Variants in SLC22A2 observed in about 807,000 individuals in gnomAD.
SLC22A2 encodes solute carrier family 22 member 2.
SLC22A2 carries 46 observed loss-of-function variants against 60.5 expected under a neutral mutation model. That is an observed-to-expected ratio of 0.76 (90% confidence interval 0.60 to 0.97). SLC22A2 has a LOEUF of 0.97. Ranked by LOEUF, SLC22A2 falls within the 50% of genes least tolerant of loss-of-function variation. The pLI, the probability that SLC22A2 is intolerant of heterozygous loss-of-function variation, is 0.00. For synonymous variants in SLC22A2, 303 were observed against 267.0 expected (o/e 1.13, Z -1.31); for missense variants, 701 against 706.6 (o/e 0.99, Z 0.09).
Position 160,243,773 on chromosome 6 carries a change from C to G in SLC22A2, c.1078G>C (p.Val360Leu), listed in dbSNP as rs377207401. The G allele has an allele frequency of 6.2e-7, 1 of 1,613,222 alleles. No homozygotes were observed. The highest frequency in any genetic ancestry group is 1.3e-5 in the African/African-American group (1 of 74,882). Residue 360 changes from valine to leucine, a missense_variant, in exon 7 of 11, where the codon GTG becomes CTG. Coordinates refer to ENST00000366953, the MANE Select transcript of SLC22A2 (RefSeq NM_003058.4). ...ILMYNWFTSS[V>L]LYQGLIMHMG... ...TGCATGATGAGGCCCTGGTAGAGCA[C>G]AGAGCTCGTGAACCTGAGCAAAGAG...
intron 2 of SLC22A2, among the ~76,000 whole-genome samples, chr6:160,253,873 A>G (rs1783226468): frequency 6.6e-6 from 1 of 152,208 alleles, no homozygotes; most frequent in Non-Finnish European, 1.5e-5. Flanking sequence ...TGTAGGCTGA[A>G]GTGAACCACA....
intron 8 of SLC22A2, 103 bp downstream of exon 8, chr6:160,242,191 C>T (rs1429327934): frequency 3.9e-6 from 3 of 770,038 alleles, no homozygotes; most frequent in Non-Finnish European, 7.2e-6. Context: ...TTCCCTTACA[C>T]TGTGTTTTGA....
chr6:160,231,075 G>A (rs958962758), intron 9 of SLC22A2, among the ~76,000 whole-genome samples: 1 of 151,774 alleles, frequency 6.6e-6, no homozygotes, highest in Non-Finnish European at 1.5e-5. Flanking sequence ...CAATACGGAG[G>A]CTACCCACTC....
rs1583403870 is a variant in SLC22A2, at chr6:160,258,773, A to G, written c.-16T>C. On this transcript the variant is annotated 5_prime_UTR_variant, in exon 1 of 11. Transcript: ENST00000366953. ...TGGTGGGCATGATCCTGCAGGCAGG[A>G]GGGCCCGAGGCTGCCCGACGTGCCC... is the stretch of plus-strand genomic sequence containing the variant. The G allele has an allele frequency of 6.5e-7, 1 of 1,528,868 alleles. No homozygotes were observed. The allele number at this position is 1,528,868 out of a possible 1,614,324, so 94.7% of individuals were successfully genotyped here. A position where few individuals can be genotyped will look rare whatever the true frequency, so the allele number is the denominator to read the frequency against.
intron 2 of SLC22A2, among the ~76,000 whole-genome samples, chr6:160,253,349 A>G (rs1783217908): frequency 6.6e-6 from 1 of 152,232 alleles, no homozygotes; most frequent in South Asian, 2.1e-4. Flanking sequence ...ATTTCTAGGA[A>G]AAGGGTGGTA....
chr6:160,256,888 TTCTCTCTC>T (rs58095836), intron 1 of SLC22A2, among the ~76,000 whole-genome samples, 171 bp from the exon 2 acceptor site: 2 of 134,664 alleles, frequency 1.5e-5, no homozygotes, highest in Admixed American at 7.8e-5. Context: ...TTTCTTCTTC[TTCTCTCTC>T]TCTCTCTTTT....
intron 10 of SLC22A2, among the ~76,000 whole-genome samples, chr6:160,222,612 T>C (rs955440991): frequency 6.6e-5 from 10 of 152,116 alleles, no homozygotes; most frequent in African/African-American, 2.4e-4. Context: ...GGTGCCCATG[T>C]GTGTGGGAAG....
At position 160,217,262 on chromosome 6, in the gene SLC22A2, G is replaced by C. The variant is rs1052630214; in HGVS notation, c.*170C>G. 3 of 413,432 alleles carry C rather than the reference G, an allele frequency of 7.3e-6. No individual in the cohort carries two copies. Among genetic ancestry groups the C allele is most frequent in the African/African-American group, 6.2e-5 (3 of 48,770 alleles). The allele number at this position is 413,432 out of a possible 1,614,324, so 25.6% of individuals were successfully genotyped here. On this transcript the variant is annotated 3_prime_UTR_variant, in exon 11 of 11. Coordinates refer to ENST00000366953, the MANE Select transcript of SLC22A2 (RefSeq NM_003058.4). ...GAATTTGGCAGGATCTGGTCCCATG[G>C]GTATTTTTCCACAGTGTACAATAGA... is the stretch of plus-strand genomic sequence containing the variant.
At chr6:160,240,945 G>T (rs551254784) in intron 9 of SLC22A2, among the ~76,000 whole-genome samples, 1 of 152,306 alleles carries the variant, frequency 6.6e-6, no homozygotes, top group South Asian at 2.1e-4. Context: ...CATCAACACA[G>T]GTGCTCCATT....
At chr6:160,240,346 C>T (rs1782977969) in intron 9 of SLC22A2, among the ~76,000 whole-genome samples, 1 of 152,164 alleles carries the variant, frequency 6.6e-6, no homozygotes. Context: ...ATGCAGGCCT[C>T]TCTGAGTAGG....
intron 9 of SLC22A2, among the ~76,000 whole-genome samples, chr6:160,238,312 A>G (rs995326469): frequency 3.9e-4 from 59 of 152,348 alleles, no homozygotes; most frequent in African/African-American, 1.4e-3. Context: ...AGTGCCTATT[A>G]AATAATTAAC....
At chr6:160,228,040 G>A (rs1247251381) in intron 9 of SLC22A2, among the ~76,000 whole-genome samples, 2 of 152,134 alleles carry the variant, frequency 1.3e-5, no homozygotes, top group Non-Finnish European at 2.9e-5. Flanking sequence ...TATAAAAATG[G>A]GCAACTAGCA....
chr6:160,258,772 G>A lies in SLC22A2; in HGVS notation c.-15C>T. 1.3e-6 allele frequency: 2 copies of A among 1,529,234 alleles called. No homozygotes were observed. Among genetic ancestry groups the A allele is most frequent in the Admixed American group, 4.0e-5 (2 of 49,732 alleles). The allele number at this position is 1,529,234 out of a possible 1,614,324, so 94.7% of individuals were successfully genotyped here. Reference sequence around the variant, plus strand: ...GTGGTGGGCATGATCCTGCAGGCAGGAGGGCCCGAGGCTGCCCGACGTGCC... The same window carrying A: ...GTGGTGGGCATGATCCTGCAGGCAGAAGGGCCCGAGGCTGCCCGACGTGCC... On this transcript the variant is annotated 5_prime_UTR_variant, in exon 1 of 11. Coordinates refer to ENST00000366953, the MANE Select transcript of SLC22A2 (RefSeq NM_003058.4).
At chr6:160,250,355 AT>A (rs986816823) in intron 3 of SLC22A2, 192 bp downstream of exon 3, 7 of 598,250 alleles carry the variant, frequency 1.2e-5, no homozygotes, top group Admixed American at 5.9e-5. Context: ...TTCTGCCTTC[AT>A]TTTTTTAGTT....
At chr6:160,228,947 T>C (rs1782772903) in intron 9 of SLC22A2, among the ~76,000 whole-genome samples, 1 of 151,760 alleles carries the variant, frequency 6.6e-6, no homozygotes, top group African/African-American at 2.4e-5. Context: ...CTCCCTTCGA[T>C]GACTGTCTTT....
Position 160,233,310 on chromosome 6 carries a change from A to G in SLC22A2, c.1501+8164T>C, listed in dbSNP as rs992145469. Among the ~76,000 whole-genome samples, 132 of 151,802 alleles carry G rather than the reference A, an allele frequency of 8.7e-4. 5 individuals are homozygous for G. Among genetic ancestry groups the G allele is most frequent in the African/African-American group, 3.1e-3 (127 of 41,196 alleles). ...CATAATTCCTCGTTTTGGCCTTCCC[A>G]CCTCTATACAGTCTGATAACGGACC... is the stretch of plus-strand genomic sequence containing the variant. On this transcript the variant is annotated intron_variant, in intron 9 of 10. Coordinates refer to ENST00000366953, the MANE Select transcript of SLC22A2 (RefSeq NM_003058.4).
At chr6:160,246,365 C>T (rs183882337) in intron 5 of SLC22A2, among the ~76,000 whole-genome samples, 3 of 152,242 alleles carry the variant, frequency 2.0e-5, no homozygotes, top group Admixed American at 6.5e-5. Flanking sequence ...TTGAGGTCAA[C>T]GTGGTGAGAT....
chr6:160,222,306 C>T (rs1278783908), intron 10 of SLC22A2, among the ~76,000 whole-genome samples: 1 of 152,134 alleles, frequency 6.6e-6, no homozygotes, highest in Non-Finnish European at 1.5e-5. Context: ...GTACTGTTGT[C>T]CCCATTTACA....
chr6:160,247,357 AT>A, intron 4 of SLC22A2, 59 bp from the exon 5 acceptor site: 4 of 872,508 alleles, frequency 4.6e-6, no homozygotes, highest in Non-Finnish European at 7.8e-6. Flanking sequence ...CCCATCCCCC[AT>A]TTTTTTATAA....
Sources: gnomAD v4.1 joint callset for allele counts (sites outside exome capture counted in the v4.1 genomes callset) on GRCh38, gnomAD v4.1.1 for gene constraint, MANE v1.5 for transcripts, NCBI Gene and HGNC (gene_info 2026-07-23, HGNC 2026-07-21) for gene names.